FHIT: variants seen among roughly 807,000 people sequenced by gnomAD.
FHIT encodes fragile histidine triad diadenosine triphosphatase.
A neutral mutation model predicts 17.9 loss-of-function variants in FHIT; 19 were observed. That is an observed-to-expected ratio of 1.06 (90% CI 0.74 to 1.56). FHIT has a LOEUF of 1.56. Ranked by LOEUF, FHIT falls within the 40% of genes most tolerant of loss-of-function variation. The pLI is 0.00. For missense variants in FHIT, 248 were observed against 189.2 expected, an observed-to-expected ratio of 1.31 and a Z score of -1.82; for synonymous variants, 81 against 69.7, an observed-to-expected ratio of 1.16 and a Z score of -0.81.
intron 4 of FHIT, among the ~76,000 whole-genome samples, chr3:60,717,271 A>G (rs1173383565): frequency 6.6e-6 from 1 of 152,162 alleles, no homozygotes; most frequent in Non-Finnish European, 1.5e-5. Context: ...ATACTTGAAA[A>G]TTGGTAAGAG....
chr3:60,488,221 G>C (rs927182641), intron 5 of FHIT, among the ~76,000 whole-genome samples: 1 of 152,182 alleles, frequency 6.6e-6, no homozygotes. Flanking sequence ...TGAGCTAAAA[G>C]ATTATATTTG....
intron 7 of FHIT, among the ~76,000 whole-genome samples, chr3:59,952,344 A>G (rs1025752226): frequency 6.6e-6 from 1 of 152,204 alleles, no homozygotes; most frequent in Non-Finnish European, 1.5e-5. Flanking sequence ...CACCAAAGCC[A>G]GTATCCCAGA....
At chr3:60,914,279 T>C (rs1347886938) in intron 3 of FHIT, among the ~76,000 whole-genome samples, 2 of 152,168 alleles carry the variant, frequency 1.3e-5, no homozygotes, top group African/African-American at 4.8e-5. Flanking sequence ...AAATAAGGAA[T>C]ACATATCTTG....
intron 5 of FHIT, among the ~76,000 whole-genome samples, chr3:60,308,487 G>GT (rs1559806977): frequency 8.1e-4 from 60 of 74,524 alleles, no homozygotes; most frequent in African/African-American, 3.2e-3. Context: ...TATAGGTATA[G>GT]GTGTATGTGT....
intron 8 of FHIT, among the ~76,000 whole-genome samples, chr3:59,793,329 A>C (rs968206662): frequency 4.6e-5 from 7 of 152,176 alleles, no homozygotes; most frequent in Non-Finnish European, 1.0e-4. Flanking sequence ...CCAACTAATG[A>C]AACAGCCTTA....
intron 4 of FHIT, among the ~76,000 whole-genome samples, chr3:60,697,832 C>G (rs1019907111): frequency 6.6e-6 from 1 of 152,100 alleles, no homozygotes; most frequent in Non-Finnish European, 1.5e-5. Context: ...ATAAATACAG[C>G]ATGCCTTAGA....
chr3:60,357,895 A>T (rs1352078238), intron 5 of FHIT, among the ~76,000 whole-genome samples: 1 of 152,218 alleles, frequency 6.6e-6, no homozygotes, highest in African/African-American at 2.4e-5. Flanking sequence ...ATACTGGCTC[A>T]GAGGTGAGAA....
chr3:60,702,699 C>T (rs577549239), intron 4 of FHIT, among the ~76,000 whole-genome samples: 32 of 152,104 alleles, frequency 2.1e-4, no homozygotes, highest in African/African-American at 6.5e-4. Context: ...TCATTTTCTT[C>T]GCTTAATTTT....
At chr3:60,213,744 G>C (rs533249021) in intron 5 of FHIT, among the ~76,000 whole-genome samples, 1 of 152,294 alleles carries the variant, frequency 6.6e-6, no homozygotes, top group Admixed American at 6.5e-5. Flanking sequence ...TATTTTCACA[G>C]ATTGCAAATA....
intron 5 of FHIT, among the ~76,000 whole-genome samples, chr3:60,431,711 T>A (rs1702913293): frequency 6.6e-6 from 1 of 151,712 alleles, no homozygotes; most frequent in Non-Finnish European, 1.5e-5. Flanking sequence ...ACTGACATCC[T>A]GCAACTTGGC....
intron 5 of FHIT, among the ~76,000 whole-genome samples, chr3:60,279,156 A>C (rs955572294): frequency 6.6e-6 from 1 of 152,126 alleles, no homozygotes; most frequent in Admixed American, 6.5e-5. Flanking sequence ...CTAACCAGGA[A>C]AAAAAGAGCA....
intron 1 of FHIT, among the ~76,000 whole-genome samples, chr3:61,205,586 T>A (rs1274312545): frequency 6.6e-6 from 1 of 152,238 alleles, no homozygotes; most frequent in Non-Finnish European, 1.5e-5. Context: ...TGGTGAGCAT[T>A]TTTTCATGTG....
intron 5 of FHIT, among the ~76,000 whole-genome samples, chr3:60,134,975 A>AG (rs1553694136): frequency 1.3e-5 from 2 of 152,172 alleles, no homozygotes; most frequent in African/African-American, 2.4e-5. Flanking sequence ...ACAGGAAAAA[A>AG]GGGGGGAGGG....
intron 2 of FHIT, among the ~76,000 whole-genome samples, chr3:61,091,973 G>C: frequency 6.7e-6 from 1 of 148,500 alleles, no homozygotes; most frequent in Non-Finnish European, 1.5e-5. Flanking sequence ...AGAAGCAACA[G>C]GAGTCAGGCT....
chr3:60,484,035 T>G (rs988970967), intron 5 of FHIT, among the ~76,000 whole-genome samples: 2 of 151,662 alleles, frequency 1.3e-5, no homozygotes, highest in South Asian at 4.2e-4. Flanking sequence ...ACACCAACAA[T>G]AGACAAGCAG....
At chr3:60,526,137 T>TACAC (rs59137290) in intron 5 of FHIT, among the ~76,000 whole-genome samples, 4,942 of 148,104 alleles carry the variant, frequency 0.033, 118 homozygotes, top group African/African-American at 0.066. Flanking sequence ...ACACAACACA[T>TACAC]ACACACACAC....
intron 8 of FHIT, among the ~76,000 whole-genome samples, chr3:59,773,737 G>A (rs576336239): frequency 6.6e-6 from 1 of 152,012 alleles, no homozygotes; most frequent in African/African-American, 2.4e-5. Flanking sequence ...ATCACCTGGC[G>A]GCTTGTTAGA....
intron 5 of FHIT, among the ~76,000 whole-genome samples, chr3:60,507,176 A>G (rs1039055898): frequency 2.6e-5 from 4 of 152,226 alleles, no homozygotes; most frequent in African/African-American, 9.6e-5. Context: ...TTCTAGAAGA[A>G]GGGATACGTG....
intron 8 of FHIT, among the ~76,000 whole-genome samples, chr3:59,833,308 T>A (rs1701229075): frequency 6.6e-6 from 1 of 152,158 alleles, no homozygotes; most frequent in Non-Finnish European, 1.5e-5. Context: ...TAGGGTGGGC[T>A]CCTAAACTTA....
Sources: allele counts gnomAD v4.1 joint callset (sites outside exome capture counted in the v4.1 genomes callset), GRCh38; gene constraint gnomAD v4.1.1; transcripts MANE v1.5; gene names NCBI Gene and HGNC (gene_info 2026-07-23, HGNC 2026-07-21).